Variants in FBN2 observed in about 807,000 individuals in gnomAD.
FBN2 encodes the protein fibrillin-2.
FBN2 carries 105 observed loss-of-function variants against 355.6 expected under a neutral mutation model. The ratio of observed to expected loss-of-function variants is 0.30; its 90% CI spans 0.25 to 0.35. The LOEUF (loss-of-function observed/expected upper bound fraction) is 0.35, where lower values mean the gene tolerates loss of function less well. Among genes scored for constraint, FBN2 ranks in the 10% least tolerant of loss-of-function variants. The pLI is 1.00. For synonymous variants in FBN2, 1,350 were observed against 1,301.2 expected (o/e 1.04, Z -0.81); for missense variants, 3,280 against 3,758.7 (o/e 0.87, Z 3.33).
intron 6 of FBN2, among the ~76,000 whole-genome samples, chr5:128,447,223 G>A (rs1413104272): frequency 2.0e-5 from 3 of 152,178 alleles, no homozygotes; most frequent in African/African-American, 4.8e-5. Flanking sequence ...GATGTTCAGG[G>A]AATAAGGGAG....
intron 11 of FBN2, among the ~76,000 whole-genome samples, chr5:128,382,903 T>C (rs1442346330): frequency 2.0e-5 from 3 of 152,004 alleles, no homozygotes; most frequent in Non-Finnish European, 4.4e-5. Flanking sequence ...ATCTTTGCAC[T>C]AAGAAAATAG....
At chr5:128,531,579 G>C (rs1756706524) in intron 2 of FBN2, among the ~76,000 whole-genome samples, 1 of 151,890 alleles carries the variant, frequency 6.6e-6, no homozygotes, top group African/African-American at 2.4e-5. Flanking sequence ...CAAAAATAAA[G>C]TCATATGTAA....
In FBN2 at chr5:128,508,170, T is replaced by C. The variant is rs190890887; in HGVS notation, c.628+11103A>G. On this transcript the variant is annotated intron_variant, in intron 5 of 64. Transcript: ENST00000262464. ...ATCCATTAGTGTCTTCTATTTAAAA[T>C]AGATTTCTTATAGGCAGCATATAAT... 1.4e-4 allele frequency among the ~76,000 whole-genome samples: 21 copies of C among 152,150 alleles called. No homozygotes were observed. The East Asian group carries it at 3.7e-3, about 27-fold the overall frequency.
At chr5:128,291,769 T>G in intron 48 of FBN2, 115 bp from the exon 49 acceptor site, 1 of 1,020,106 alleles carries the variant, frequency 9.8e-7, no homozygotes, top group Non-Finnish European at 1.5e-6. Flanking sequence ...TTACGTTGTA[T>G]GTTTAACTTA....
intron 7 of FBN2, among the ~76,000 whole-genome samples, chr5:128,424,356 A>C (rs1753432136): frequency 2.0e-5 from 3 of 152,180 alleles, no homozygotes; most frequent in Non-Finnish European, 4.4e-5. Context: ...AGAAGAAAGA[A>C]AACAGAGAAT....
intron 4 of FBN2, among the ~76,000 whole-genome samples, chr5:128,523,322 G>C (rs1230780213): frequency 6.6e-6 from 1 of 151,898 alleles, no homozygotes; most frequent in Non-Finnish European, 1.5e-5. Flanking sequence ...TCGTTTTCTA[G>C]GATACCACAC....
At chr5:128,418,663 T>C (rs1416689032) in intron 7 of FBN2, among the ~76,000 whole-genome samples, 1 of 152,192 alleles carries the variant, frequency 6.6e-6, no homozygotes, top group Non-Finnish European at 1.5e-5. Context: ...CATTTATTTG[T>C]ACATTTTTCA....
intron 5 of FBN2, among the ~76,000 whole-genome samples, chr5:128,514,324 TGAAA>T (rs1351150248): frequency 6.6e-6 from 1 of 152,186 alleles, no homozygotes; most frequent in East Asian, 1.9e-4. Flanking sequence ...TTCATTTGAC[TGAAA>T]GAAAGACTTT....
In FBN2 at chr5:128,319,698, T is replaced by C. The variant is rs141532598; in HGVS notation, c.4472-697A>G. ...GTAAATTTCATTAAAATATCTCTACTGAATTGGACTAAAAATTCATTTATG... is the reference window on the plus strand; with the variant it reads ...GTAAATTTCATTAAAATATCTCTACCGAATTGGACTAAAAATTCATTTATG... On this transcript the variant is annotated intron_variant, in intron 34 of 64. Coordinates refer to ENST00000262464, the MANE Select transcript of FBN2 (RefSeq NM_001999.4). Among the ~76,000 whole-genome samples the C allele has an allele frequency of 6.1e-3, 925 of 152,292 alleles. 12 individuals carry two copies. Among genetic ancestry groups the C allele is most frequent in the African/African-American group, 0.021 (887 of 41,574 alleles).
At chr5:128,275,429 G>A (rs1765367939) in intron 59 of FBN2, among the ~76,000 whole-genome samples, 1 of 139,652 alleles carries the variant, frequency 7.2e-6, no homozygotes, top group Non-Finnish European at 1.5e-5. Flanking sequence ...AGGTCCAAGC[G>A]GTGCTTGCTA....
intron 16 of FBN2, 48 bp downstream of exon 16, chr5:128,369,134 T>G: frequency 6.3e-7 from 1 of 1,590,222 alleles, no homozygotes; most frequent in Non-Finnish European, 8.6e-7. Flanking sequence ...CATCTAAGGT[T>G]GTATTTCTTG....
In FBN2 at chr5:128,464,822, A is replaced by G. The variant is rs117524265; in HGVS notation, c.728T>C (p.Ile243Thr). Residue 243 changes from isoleucine to threonine, a missense_variant, in exon 6 of 65, where the codon ATT becomes ACT. By Grantham distance (89) the Ile-to-Thr change is moderately conservative. Transcript: ENST00000262464. ...VCTKTLCCAT[I>T]GRAWGHPCEM... is the part of the protein sequence containing the mutation. ...ACAGGGATGGCCCCACGCCCGTCCA[A>G]TGGTGGCACAGCACAGAGTCTTCGT... 12,848 of 1,614,250 alleles carry G rather than the reference A, an allele frequency of 8.0e-3. 100 individuals are homozygous for G. Among genetic ancestry groups the G allele is most frequent in the East Asian group, 0.035 (1,585 of 44,876 alleles).
chr5:128,290,739 G>C lies in FBN2; in HGVS notation c.6438C>G (p.Asp2146Glu). Residue 2146 changes from aspartate (D) to glutamate (E), a missense_variant, in exon 50 of 65, where the codon GAC becomes GAG. Asp to Glu is a conservative substitution (Grantham distance 45). This residue lies in a region of FBN2 where 2,284 missense variants were observed against 2,749.5 expected (regional missense o/e 0.83). Coordinates refer to ENST00000262464, the MANE Select transcript of FBN2 (RefSeq NM_001999.4). ...TGATGTCATTGCTCTTACCTTCATC[G>C]TCTTTGGGGCACAGCTCACAGGGGT... ...WGDPCELCPK[D>E]DEVAFQDLCP... 1 of 1,614,048 alleles carries C rather than the reference G, an allele frequency of 6.2e-7. No homozygotes were observed. The highest frequency in any genetic ancestry group is 2.2e-5 in the East Asian group (1 of 44,882).
intron 5 of FBN2, among the ~76,000 whole-genome samples, chr5:128,491,186 G>A (rs764373738): frequency 1.1e-3 from 163 of 152,276 alleles, no homozygotes; most frequent in Non-Finnish European, 1.7e-3. Context: ...TTACAATTAA[G>A]AAAGAACACA....
chr5:128,410,838 AG>A (rs1753043036), intron 7 of FBN2, among the ~76,000 whole-genome samples: 1 of 152,220 alleles, frequency 6.6e-6, no homozygotes, highest in Non-Finnish European at 1.5e-5. Flanking sequence ...CTAAAAGGTT[AG>A]CTTCAAAATA....
intron 18 of FBN2, among the ~76,000 whole-genome samples, chr5:128,362,964 A>T (rs184166153): frequency 1.7e-3 from 262 of 152,264 alleles, no homozygotes; most frequent in Non-Finnish European, 3.2e-3. Flanking sequence ...CTGCAATTCC[A>T]TCATCACTGA....
intron 18 of FBN2, among the ~76,000 whole-genome samples, chr5:128,363,957 A>AT (rs749768754): frequency 3.3e-5 from 5 of 152,260 alleles, no homozygotes; most frequent in African/African-American, 4.8e-5. Flanking sequence ...TGTAAAAGCC[A>AT]TAAGTGATTA....
At chr5:128,333,429 T>C (rs1158858383) in intron 31 of FBN2, among the ~76,000 whole-genome samples, 8 of 152,142 alleles carry the variant, frequency 5.3e-5, no homozygotes, top group Non-Finnish European at 1.0e-4. Context: ...TTCCTTCCTA[T>C]TGATATTTAT....
At chr5:128,297,850 T>C (rs1749572172) in intron 48 of FBN2, among the ~76,000 whole-genome samples, 2 of 152,238 alleles carry the variant, frequency 1.3e-5, no homozygotes, top group South Asian at 4.2e-4. Context: ...AAAGTTAATA[T>C]TGTTATGTGT....
Sources: gnomAD v4.1 joint callset for allele counts (sites outside exome capture counted in the v4.1 genomes callset) on GRCh38, gnomAD v4.1.1 for gene constraint, gnomAD v4.1.1 regional missense constraint, MANE v1.5 for transcripts, NCBI Gene and HGNC (gene_info 2026-07-23, HGNC 2026-07-21) for gene names.